CAMTA1: variants seen among roughly 807,000 people sequenced by gnomAD.
CAMTA1 encodes the protein calmodulin binding transcription activator 1.
CAMTA1 carries 27 observed loss-of-function variants against 170.9 expected under a neutral mutation model. That is an observed-to-expected ratio of 0.16 (90% confidence interval 0.12 to 0.22). The LOEUF is 0.22. Ranked by LOEUF, CAMTA1 falls within the 10% of genes least tolerant of loss-of-function variation. CAMTA1 has a pLI of 1.00. For synonymous variants in CAMTA1, 833 were observed against 891.5 expected, an observed-to-expected ratio of 0.93 and a Z score of 1.17; for missense variants, 1,619 against 2,217.2, an observed-to-expected ratio of 0.73 and a Z score of 5.42.
chr1:7,711,001 C>T (rs1256568413), intron 11 of CAMTA1, among the ~76,000 whole-genome samples: 1 of 152,154 alleles, frequency 6.6e-6, no homozygotes, highest in Non-Finnish European at 1.5e-5. Flanking sequence ...TTGGGCTCTG[C>T]GCCACCTAAA....
intron 7 of CAMTA1, among the ~76,000 whole-genome samples, chr1:7,652,679 C>T (rs1261840362): frequency 6.6e-6 from 1 of 152,152 alleles, no homozygotes; most frequent in Non-Finnish European, 1.5e-5. Flanking sequence ...CCGAGGGAAA[C>T]CAGACTTCCC....
chr1:7,394,459 A>G (rs998398865), intron 5 of CAMTA1, among the ~76,000 whole-genome samples: 2 of 152,106 alleles, frequency 1.3e-5, no homozygotes, highest in Non-Finnish European at 2.9e-5. Flanking sequence ...AGCATTTTTA[A>G]AATGTACTTG....
chr1:7,033,577 T>C (rs1703100725), intron 3 of CAMTA1, among the ~76,000 whole-genome samples: 1 of 147,686 alleles, frequency 6.8e-6, no homozygotes, highest in Admixed American at 7.2e-5. Flanking sequence ...ATGTTTATTC[T>C]TGTAAATATT....
At chr1:7,706,144 C>T (rs1306675507) in intron 11 of CAMTA1, among the ~76,000 whole-genome samples, 2 of 152,164 alleles carry the variant, frequency 1.3e-5, no homozygotes, top group Non-Finnish European at 2.9e-5. Context: ...CAGGGAAGGA[C>T]GACAATTTTA....
chr1:7,111,885 CAAA>C (rs66460647), intron 4 of CAMTA1, among the ~76,000 whole-genome samples: 22 of 75,660 alleles, frequency 2.9e-4, no homozygotes, highest in African/African-American at 7.3e-4. Flanking sequence ...ACTCCATCTC[CAAA>C]AAAAAAAAAA....
chr1:7,598,045 A>T (rs2095413907), intron 6 of CAMTA1, among the ~76,000 whole-genome samples: 2 of 151,218 alleles, frequency 1.3e-5, no homozygotes, highest in Non-Finnish European at 2.9e-5. Context: ...TTAACTCTTC[A>T]TTTAACATTA....
intron 5 of CAMTA1, among the ~76,000 whole-genome samples, chr1:7,277,544 A>T (rs1039102839): frequency 6.6e-6 from 1 of 151,872 alleles, no homozygotes; most frequent in Non-Finnish European, 1.5e-5. Flanking sequence ...ATTAACTTAC[A>T]GATAAACTGA....
chr1:7,454,989 G>A (rs1266249023), intron 5 of CAMTA1, among the ~76,000 whole-genome samples: 1 of 152,214 alleles, frequency 6.6e-6, no homozygotes, highest in African/African-American at 2.4e-5. Flanking sequence ...CAGTGAGACT[G>A]AGTGATTCAG....
chr1:7,601,035 C>T (rs887272100), intron 6 of CAMTA1, among the ~76,000 whole-genome samples: 6 of 152,182 alleles, frequency 3.9e-5, no homozygotes, highest in Non-Finnish European at 7.3e-5. Context: ...GGCAGAGGGG[C>T]TCCTCACTTC....
chr1:7,068,282 T>A (rs185971796), intron 3 of CAMTA1, among the ~76,000 whole-genome samples: 1 of 152,202 alleles, frequency 6.6e-6, no homozygotes, highest in Admixed American at 6.6e-5. Context: ...CTTTTCTAAA[T>A]GGCAAGACGC....
In CAMTA1 at chr1:7,640,341, C is replaced by A. The variant is rs966314201; in HGVS notation, c.511-59C>A. The stretch of plus-strand genomic sequence containing the variant: ...CCTGCACCTGCGGGGTTGGGGGCGG[C>A]CCTGACCCTGGTGGGCTCCATGCCA... On this transcript the variant is annotated intron_variant, in intron 6 of 22. Coordinates refer to ENST00000303635, the MANE Select transcript of CAMTA1 (RefSeq NM_015215.4). 56 of 1,599,694 alleles carry A rather than the reference C, an allele frequency of 3.5e-5. 1 individual carries two copies. In the South Asian group the frequency reaches 5.6e-4, roughly 16 times the overall value.
intron 16 of CAMTA1, among the ~76,000 whole-genome samples, chr1:7,742,367 A>G (rs1184630177): frequency 1.3e-5 from 2 of 152,182 alleles, no homozygotes; most frequent in South Asian, 4.1e-4. Context: ...ATATATATTT[A>G]CTATATGATA....
chr1:7,531,283 G>A (rs997998235), intron 6 of CAMTA1, among the ~76,000 whole-genome samples: 17 of 152,100 alleles, frequency 1.1e-4, no homozygotes, highest in African/African-American at 2.9e-4. Flanking sequence ...TGCCTCCACC[G>A]AAGTCTCAGA....
At chr1:7,261,433 G>A (rs960792053) in intron 5 of CAMTA1, among the ~76,000 whole-genome samples, 1 of 152,120 alleles carries the variant, frequency 6.6e-6, no homozygotes, top group African/African-American at 2.4e-5. Context: ...TAACAGATTG[G>A]GTTAAGTCTT....
intron 5 of CAMTA1, among the ~76,000 whole-genome samples, chr1:7,386,578 G>A (rs942401765): frequency 2.6e-5 from 4 of 152,100 alleles, no homozygotes; most frequent in African/African-American, 4.8e-5. Context: ...CTCCTCCTAC[G>A]CAGCGATGCC....
At chr1:6,950,729 C>A (rs1216639838) in intron 3 of CAMTA1, among the ~76,000 whole-genome samples, 1 of 151,892 alleles carries the variant, frequency 6.6e-6, no homozygotes, top group East Asian at 1.9e-4. Context: ...CCAGCCCCAC[C>A]AATCAACCAC....
chr1:7,496,832 G>A (rs1486145721), intron 6 of CAMTA1, among the ~76,000 whole-genome samples: 1 of 151,750 alleles, frequency 6.6e-6, no homozygotes, highest in Non-Finnish European at 1.5e-5. Context: ...GGCCTCCCAG[G>A]CCCCAACACC....
At chr1:7,577,552 C>A (rs954067714) in intron 6 of CAMTA1, among the ~76,000 whole-genome samples, 12 of 151,994 alleles carry the variant, frequency 7.9e-5, no homozygotes, top group African/African-American at 2.9e-4. Flanking sequence ...TTGGAGATGC[C>A]CCTACAACCC....
At chr1:7,571,869 A>G (rs2095130437) in intron 6 of CAMTA1, among the ~76,000 whole-genome samples, 1 of 152,198 alleles carries the variant, frequency 6.6e-6, no homozygotes, top group Non-Finnish European at 1.5e-5. Flanking sequence ...TGAGATTGCT[A>G]GGTCGAATGG....
Sources: allele counts gnomAD v4.1 joint callset (sites outside exome capture counted in the v4.1 genomes callset), GRCh38; gene constraint gnomAD v4.1.1; transcripts MANE v1.5; gene names NCBI Gene and HGNC (gene_info 2026-07-23, HGNC 2026-07-21).